KPNA3: variants seen among roughly 807,000 people sequenced by gnomAD.
KPNA3 encodes importin subunit alpha-4.
Under a neutral mutation model 73.8 loss-of-function variants are expected in KPNA3, and 13 were observed. The ratio of observed to expected loss-of-function variants is 0.18; its 90% CI spans 0.11 to 0.28. The LOEUF is 0.28. Ranked by LOEUF, KPNA3 falls within the 10% of genes least tolerant of loss-of-function variation. The pLI is 1.00. For synonymous variants in KPNA3, 186 were observed against 206.9 expected (o/e 0.90, Z 0.87); for missense variants, 360 against 618.1 (o/e 0.58, Z 4.43).
chr13:49,719,038 C>G (rs547745495), intron 10 of KPNA3, among the ~76,000 whole-genome samples: 29 of 152,132 alleles, frequency 1.9e-4, no homozygotes, highest in African/African-American at 7.0e-4. Context: ...GAAACTGGAT[C>G]AACACTAGTC....
At chr13:49,745,454 G>C (rs1349636224) in intron 2 of KPNA3, among the ~76,000 whole-genome samples, 1 of 150,894 alleles carries the variant, frequency 6.6e-6, no homozygotes, top group Non-Finnish European at 1.5e-5. Flanking sequence ...CTGCCTCCAG[G>C]GTTCAAGCAA....
chr13:49,738,575 G>A (rs1954545522), intron 2 of KPNA3, among the ~76,000 whole-genome samples: 1 of 152,130 alleles, frequency 6.6e-6, no homozygotes, highest in African/African-American at 2.4e-5. Flanking sequence ...GTACATGTTT[G>A]TTAATATATA....
chr13:49,721,681 G>C (rs1284338441), intron 9 of KPNA3, among the ~76,000 whole-genome samples: 1 of 152,066 alleles, frequency 6.6e-6, no homozygotes, highest in Non-Finnish European at 1.5e-5. Context: ...TTAGCCAGGC[G>C]TGGTGGCGGG....
At chr13:49,704,291 T>C (rs1335394088) in intron 15 of KPNA3, among the ~76,000 whole-genome samples, 6 of 151,642 alleles carry the variant, frequency 4.0e-5, no homozygotes, top group African/African-American at 1.5e-4. Flanking sequence ...GGCGTGGTGG[T>C]GCATGCCTAT....
intron 1 of KPNA3, among the ~76,000 whole-genome samples, chr13:49,783,762 T>C (rs1197999129): frequency 6.6e-6 from 1 of 152,188 alleles, no homozygotes. Flanking sequence ...TTCCCCCAAA[T>C]AACTAAAATT....
At chr13:49,717,961 C>T (rs1954320599) in intron 10 of KPNA3, among the ~76,000 whole-genome samples, 1 of 152,190 alleles carries the variant, frequency 6.6e-6, no homozygotes, top group African/African-American at 2.4e-5. Context: ...GGCTTTCATA[C>T]CATGTTTTAT....
intron 1 of KPNA3, among the ~76,000 whole-genome samples, chr13:49,773,289 G>A (rs1954870218): frequency 6.6e-6 from 1 of 152,112 alleles, no homozygotes; most frequent in Non-Finnish European, 1.5e-5. Flanking sequence ...TTGCAATGGT[G>A]GTTACAAGGA....
intron 10 of KPNA3, among the ~76,000 whole-genome samples, chr13:49,717,257 T>C (rs754498570): frequency 1.3e-5 from 2 of 151,902 alleles, no homozygotes; most frequent in African/African-American, 2.4e-5. Flanking sequence ...CTCTTTAATA[T>C]AGAATCAAAA....
At chr13:49,746,051 A>G (rs1423810592) in intron 2 of KPNA3, among the ~76,000 whole-genome samples, 1 of 129,156 alleles carries the variant, frequency 7.7e-6, no homozygotes, top group African/African-American at 2.9e-5. Flanking sequence ...CGACAGAGCG[A>G]GACTCTGCAT....
chr13:49,765,423 C>A (rs1288626537), intron 1 of KPNA3, among the ~76,000 whole-genome samples: 1 of 152,152 alleles, frequency 6.6e-6, no homozygotes, highest in Admixed American at 6.6e-5. Context: ...AATTCACTTA[C>A]CAACAATTCA....
intron 10 of KPNA3, among the ~76,000 whole-genome samples, chr13:49,718,294 A>C (rs2137541538): frequency 6.6e-6 from 1 of 152,308 alleles, no homozygotes; most frequent in East Asian, 1.9e-4. Flanking sequence ...AGGTCTTAGA[A>C]GGCATGGTCT....
At chr13:49,736,334 G>C (rs927227571) in intron 2 of KPNA3, among the ~76,000 whole-genome samples, 4 of 152,182 alleles carry the variant, frequency 2.6e-5, no homozygotes, top group African/African-American at 9.7e-5. Context: ...ACTCTGTTCA[G>C]TGTGTTATGC....
At chr13:49,759,692 CT>C (rs1476723464) in intron 1 of KPNA3, among the ~76,000 whole-genome samples, 1 of 152,060 alleles carries the variant, frequency 6.6e-6, no homozygotes, top group Non-Finnish European at 1.5e-5. Context: ...TCAAATGCAG[CT>C]GCTGATCTGA....
intron 1 of KPNA3, among the ~76,000 whole-genome samples, chr13:49,785,390 G>A (rs1954973779): frequency 6.6e-6 from 1 of 152,254 alleles, no homozygotes; most frequent in South Asian, 2.1e-4. Flanking sequence ...AGTCCAAGAA[G>A]CCTCTCAAGT....
rs370357546 is a variant in KPNA3 at position 49,774,957 on chromosome 13, T to C, written c.69+17481A>G. Among the ~76,000 whole-genome samples, 14 of 152,142 alleles carry C rather than the reference T, an allele frequency of 9.2e-5. No homozygotes were observed. In the East Asian group the frequency reaches 9.7e-4, roughly 11 times the overall value. ...TTACCTGAGGTCAACAGTTCAAGAC[T>C]AGCCTGACCAACCTGGTGAAACCCT... is the stretch of plus-strand genomic sequence containing the variant. On this transcript the variant is annotated intron_variant, in intron 1 of 16. Coordinates refer to ENST00000261667, the MANE Select transcript of KPNA3 (RefSeq NM_002267.4).
chr13:49,704,439 AAATAAATAAAT>A (rs1954184550), intron 15 of KPNA3, among the ~76,000 whole-genome samples: 3 of 2,466 alleles, frequency 1.2e-3, no homozygotes, highest in African/African-American at 4.0e-3. Context: ...AATAAAAAAT[AAATAAATAAAT>A]AAATAAATAA....
intron 1 of KPNA3, among the ~76,000 whole-genome samples, chr13:49,775,740 A>G (rs1443883430): frequency 6.6e-6 from 1 of 152,102 alleles, no homozygotes. Flanking sequence ...TTACCTTATT[A>G]AATATGTCCC....
intron 2 of KPNA3, among the ~76,000 whole-genome samples, chr13:49,743,083 C>G (rs183399983): frequency 6.6e-6 from 1 of 152,088 alleles, no homozygotes; most frequent in Admixed American, 6.5e-5. Flanking sequence ...TGGTTATTAT[C>G]TGCACTTTAG....
At chr13:49,724,470 ATTTT>A (rs1262471448) in intron 7 of KPNA3, among the ~76,000 whole-genome samples, 2 of 151,824 alleles carry the variant, frequency 1.3e-5, no homozygotes, top group Non-Finnish European at 2.9e-5. Flanking sequence ...TGCCCGGCTA[ATTTT>A]GTTTTTGTAT....
Sources: gnomAD v4.1 joint callset for allele counts (sites outside exome capture counted in the v4.1 genomes callset) on GRCh38, gnomAD v4.1.1 for gene constraint, MANE v1.5 for transcripts, NCBI Gene and HGNC (gene_info 2026-07-23, HGNC 2026-07-21) for gene names.